The following PRKN variants were observed in gnomAD, a reference collection of about 807,000 sequenced individuals.
PRKN encodes parkin RBR E3 ubiquitin protein ligase.
A neutral mutation model predicts 59.5 loss-of-function variants in PRKN; 56 were observed. The ratio of observed to expected loss-of-function variants is 0.94; its 90% CI spans 0.76 to 1.18. The LOEUF is 1.18. Among genes scored for constraint, PRKN ranks in the 50% most tolerant of loss-of-function variants. PRKN has a pLI of 0.00. For missense variants in PRKN, 657 were observed against 596.4 expected (o/e 1.10, Z -1.06); for synonymous variants, 250 against 222.1 (o/e 1.13, Z -1.12).
intron 4 of PRKN, among the ~76,000 whole-genome samples, chr6:162,076,819 G>T (rs1164158013): frequency 6.6e-6 from 1 of 152,222 alleles, no homozygotes; most frequent in African/African-American, 2.4e-5. Flanking sequence ...TTCATCAAAT[G>T]AAGTGGAAAA....
intron 3 of PRKN, among the ~76,000 whole-genome samples, chr6:162,223,729 T>A (rs1778042489): frequency 6.6e-6 from 1 of 151,914 alleles, no homozygotes; most frequent in South Asian, 2.1e-4. Flanking sequence ...CCTACCTTTG[T>A]ATCTCTTTCT....
intron 6 of PRKN, among the ~76,000 whole-genome samples, chr6:161,863,325 T>TAAA (rs34638710): frequency 3.7e-4 from 54 of 147,502 alleles, no homozygotes; most frequent in East Asian, 8.0e-4. Flanking sequence ...TTGGATTTAT[T>TAAA]AAAAAAAAAA....
intron 7 of PRKN, among the ~76,000 whole-genome samples, chr6:161,681,253 C>T (rs545421370): frequency 4.9e-4 from 75 of 152,308 alleles, no homozygotes; most frequent in Middle Eastern, 3.4e-3. Context: ...TAAGCGACTG[C>T]ACCCAGCCTT....
At chr6:161,761,511 C>T (rs1167323403) in intron 7 of PRKN, among the ~76,000 whole-genome samples, 2 of 152,254 alleles carry the variant, frequency 1.3e-5, no homozygotes, top group East Asian at 1.9e-4. Context: ...TAGGTAGTAT[C>T]TGATAATATC....
At position 162,299,052 on chromosome 6, in the gene PRKN, C is replaced by G. The variant is rs140942205; in HGVS notation, c.172-36287G>C. On this transcript the variant is annotated intron_variant, in intron 2 of 11. Coordinates refer to ENST00000366898, the MANE Select transcript of PRKN (RefSeq NM_004562.3). ...TGGCCTTGCTGAAGGGAGGATGGCC[C>G]ACAGGGGCTCACAGGGTCAGGGCAA... Among the ~76,000 whole-genome samples the G allele has an allele frequency of 1.2e-4, 19 of 152,304 alleles. No individual in the cohort carries two copies. In the East Asian group the frequency reaches 2.7e-3, roughly 22 times the overall value.
In PRKN at chr6:161,379,993, C is replaced by T. The variant is rs1448232581; in HGVS notation, c.1167+6801G>A. Among the ~76,000 whole-genome samples, 1 of 152,200 alleles carries T rather than the reference C, an allele frequency of 6.6e-6. No homozygotes were observed. Among genetic ancestry groups the T allele is most frequent in the Non-Finnish European group, 1.5e-5 (1 of 68,044 alleles). ...AATCTCCAGATGCCTTCTCACTGCC[C>T]TAAATCCCAAGCTCCTGCCTGTGGC... On this transcript the variant is annotated intron_variant, in intron 10 of 11. Coordinates refer to ENST00000366898, the MANE Select transcript of PRKN (RefSeq NM_004562.3). The surrounding 1 kb of genome is among the most constrained non-coding windows in gnomAD (Gnocchi z 4.9).
intron 7 of PRKN, among the ~76,000 whole-genome samples, chr6:161,613,499 C>T (rs1351518279): frequency 2.0e-5 from 3 of 152,058 alleles, no homozygotes; most frequent in Non-Finnish European, 2.9e-5. Context: ...TTGAGAGGAT[C>T]GACTCCAATT....
At chr6:161,931,054 G>T (rs182274528) in intron 6 of PRKN, among the ~76,000 whole-genome samples, 13 of 152,204 alleles carry the variant, frequency 8.5e-5, no homozygotes, top group Non-Finnish European at 1.8e-4. Context: ...CTACATTTGT[G>T]GTAATTGGTT....
intron 7 of PRKN, among the ~76,000 whole-genome samples, chr6:161,778,491 G>A (rs1790053522): frequency 6.6e-6 from 1 of 152,132 alleles, no homozygotes; most frequent in Non-Finnish European, 1.5e-5. Flanking sequence ...TTTTCTTGGA[G>A]GAATTACAAT....
chr6:162,553,738 G>A (rs12661324), intron 1 of PRKN, among the ~76,000 whole-genome samples: 10,471 of 133,586 alleles, frequency 0.078, 422 homozygotes, highest in Middle Eastern at 0.15. Flanking sequence ...GGAGGCGGAG[G>A]TTGCAGTGAG....
chr6:162,114,663 C>T (rs1240921916), intron 4 of PRKN, among the ~76,000 whole-genome samples: 3 of 150,046 alleles, frequency 2.0e-5, no homozygotes, highest in Admixed American at 6.7e-5. Context: ...AAACAAACAA[C>T]CCTATCAAAA....
At chr6:162,015,912 G>T (rs1278211009) in intron 5 of PRKN, among the ~76,000 whole-genome samples, 1 of 152,130 alleles carries the variant, frequency 6.6e-6, no homozygotes, top group African/African-American at 2.4e-5. Context: ...TCAATTTGTT[G>T]TAAATTGACT....
At chr6:162,673,422 A>G (rs1779410491) in intron 1 of PRKN, among the ~76,000 whole-genome samples, 1 of 152,162 alleles carries the variant, frequency 6.6e-6, no homozygotes, top group African/African-American at 2.4e-5. Flanking sequence ...TTTCTTTTTT[A>G]AAACAGGGTC....
intron 5 of PRKN, among the ~76,000 whole-genome samples, chr6:162,021,344 G>A (rs1783178717): frequency 6.8e-6 from 1 of 146,056 alleles, no homozygotes; most frequent in Non-Finnish European, 1.5e-5. Context: ...CAAATAATTG[G>A]TCAGTACAAA....
intron 5 of PRKN, among the ~76,000 whole-genome samples, chr6:161,988,552 G>C (rs1583446193): frequency 6.6e-6 from 1 of 151,608 alleles, no homozygotes; most frequent in South Asian, 2.1e-4. Flanking sequence ...AACATAACTA[G>C]GACACAATAA....
At chr6:161,709,537 C>T (rs1047706105) in intron 7 of PRKN, among the ~76,000 whole-genome samples, 1 of 152,150 alleles carries the variant, frequency 6.6e-6, no homozygotes, top group Non-Finnish European at 1.5e-5. Flanking sequence ...ACAATTCTAA[C>T]CTTTGTTCTA....
chr6:162,529,896 G>A (rs1028519195), intron 1 of PRKN, among the ~76,000 whole-genome samples: 3 of 152,126 alleles, frequency 2.0e-5, no homozygotes, highest in Admixed American at 1.3e-4. Context: ...TTGGGAGGCC[G>A]AGGCAGGCAG....
chr6:162,535,987 C>T (rs981772073), intron 1 of PRKN, among the ~76,000 whole-genome samples: 1 of 151,970 alleles, frequency 6.6e-6, no homozygotes, highest in African/African-American at 2.4e-5. Context: ...AAACTTCTCT[C>T]TCCAACAACA....
At chr6:162,327,945 G>A (rs75642238) in intron 2 of PRKN, among the ~76,000 whole-genome samples, 11,667 of 152,114 alleles carry the variant, frequency 0.077, 488 homozygotes, top group East Asian at 0.11. Context: ...ACAGGTCTGC[G>A]GGCTTGGATC....
Sources: gnomAD v4.1 joint callset for allele counts (sites outside exome capture counted in the v4.1 genomes callset) on GRCh38, gnomAD v4.1.1 for gene constraint, Gnocchi (gnomAD v3.1) non-coding constraint, MANE v1.5 for transcripts, NCBI Gene and HGNC (gene_info 2026-07-23, HGNC 2026-07-21) for gene names.